NUBPL: variants seen among roughly 807,000 people sequenced by gnomAD.
NUBPL encodes iron-sulfur cluster transfer protein NUBPL.
In NUBPL, 31 loss-of-function variants were observed where a neutral mutation model predicts 45.7. The ratio of observed to expected loss-of-function variants is 0.68; its 90% CI spans 0.51 to 0.92. NUBPL has a LOEUF of 0.92. Ranked by LOEUF, NUBPL falls within the 40% of genes least tolerant of loss-of-function variation. The pLI is 0.00. For synonymous variants in NUBPL, 144 were observed against 140.9 expected, an observed-to-expected ratio of 1.02 and a Z score of -0.15; for missense variants, 401 against 398.7, an observed-to-expected ratio of 1.01 and a Z score of -0.05.
intron 6 of NUBPL, among the ~76,000 whole-genome samples, chr14:31,678,040 C>T (rs187605968): frequency 9.8e-5 from 15 of 152,314 alleles, no homozygotes; most frequent in African/African-American, 3.4e-4. Context: ...CCATTCTTTC[C>T]TCTTCTTTCC....
chr14:31,590,531 A>G (rs1331533139), intron 3 of NUBPL, among the ~76,000 whole-genome samples: 2 of 152,110 alleles, frequency 1.3e-5, no homozygotes, highest in African/African-American at 4.8e-5. Flanking sequence ...CTGATCTTAT[A>G]ATTGCTTTTC....
chr14:31,817,155 A>G (rs2039934068), intron 7 of NUBPL, among the ~76,000 whole-genome samples: 1 of 152,008 alleles, frequency 6.6e-6, no homozygotes, highest in African/African-American at 2.4e-5. Flanking sequence ...GGAATGAACA[A>G]AGCCTTCCAG....
intron 6 of NUBPL, among the ~76,000 whole-genome samples, chr14:31,694,879 T>C (rs1477538403): frequency 1.3e-5 from 2 of 152,252 alleles, no homozygotes. Context: ...GGTTACACAG[T>C]TGTATAAGAC....
chr14:31,734,483 A>C (rs2038121544), intron 6 of NUBPL, among the ~76,000 whole-genome samples: 1 of 152,210 alleles, frequency 6.6e-6, no homozygotes, highest in Non-Finnish European at 1.5e-5. Context: ...TCAAAAACCA[A>C]ATTTCAAAAT....
intron 3 of NUBPL, among the ~76,000 whole-genome samples, chr14:31,569,587 T>C (rs948713819): frequency 1.8e-4 from 28 of 152,168 alleles, no homozygotes; most frequent in African/African-American, 5.8e-4. Flanking sequence ...AGGATGTGGA[T>C]GGGTAGTATT....
chr14:31,600,731 T>C (rs1303499065), intron 4 of NUBPL, among the ~76,000 whole-genome samples: 1 of 151,882 alleles, frequency 6.6e-6, no homozygotes, highest in Admixed American at 6.6e-5. Context: ...GTAGTTTCTT[T>C]TGCTGTGCAG....
At chr14:31,636,699 G>A (rs1027067377) in intron 4 of NUBPL, among the ~76,000 whole-genome samples, 10 of 152,254 alleles carry the variant, frequency 6.6e-5, no homozygotes, top group Non-Finnish European at 7.4e-5. Context: ...GGTAGAATTC[G>A]GCTGTGAATC....
At chr14:31,695,041 G>T (rs1261319898) in intron 6 of NUBPL, among the ~76,000 whole-genome samples, 3 of 152,180 alleles carry the variant, frequency 2.0e-5, no homozygotes, top group Non-Finnish European at 4.4e-5. Flanking sequence ...ATCAAAGTTG[G>T]AATTTAGAGA....
chr14:31,726,665 GAAT>G (rs1168200507), intron 6 of NUBPL, among the ~76,000 whole-genome samples: 1 of 1,452 alleles, frequency 6.9e-4, no homozygotes, highest in East Asian at 0.5. Flanking sequence ...TTGACTAAAT[GAAT>G]AATGAGTTAA....
chr14:31,826,699 CAG>C lies in NUBPL; in HGVS notation c.681_682del (p.Arg227SerfsTer21). On this transcript the variant is annotated frameshift_variant, in exon 8 of 11. Transcript: ENST00000281081. LOFTEE classifies it high-confidence loss of function. ...DAHKGAEMFR[R>X]VHVPVLGLVQ... is the part of the protein sequence containing the mutation. Reference sequence around the variant, plus strand: ...CACACAAGGGTGCTGAGATGTTTCGCAGAGTCCACGTGCCCGTAAGCGTTTAC... The same window carrying C: ...CACACAAGGGTGCTGAGATGTTTCGCAGTCCACGTGCCCGTAAGCGTTTAC... 1 of 1,614,028 alleles carries C rather than the reference CAG, an allele frequency of 6.2e-7. No homozygotes were observed. Among genetic ancestry groups the C allele is most frequent in the South Asian group, 1.1e-5 (1 of 91,076 alleles).
intron 4 of NUBPL, among the ~76,000 whole-genome samples, chr14:31,623,262 G>C (rs764070631): frequency 6.6e-6 from 1 of 152,210 alleles, no homozygotes; most frequent in African/African-American, 2.4e-5. Flanking sequence ...TATCTTGCAA[G>C]TAGTTAACTT....
intron 7 of NUBPL, among the ~76,000 whole-genome samples, chr14:31,792,973 C>T (rs1405766856): frequency 6.6e-6 from 1 of 152,190 alleles, no homozygotes; most frequent in Non-Finnish European, 1.5e-5. Flanking sequence ...AACAGCCTGT[C>T]AAAATCATGT....
In NUBPL at chr14:31,699,586, A is replaced by T. The variant is rs555694805; in HGVS notation, c.513+26012A>T. Among the ~76,000 whole-genome samples, 9 of 152,184 alleles carry T rather than the reference A, an allele frequency of 5.9e-5. No homozygotes were observed. The South Asian group carries it at 1.7e-3, about 28-fold the overall frequency. On this transcript the variant is annotated intron_variant, in intron 6 of 10. Transcript: ENST00000281081. ...TGTACAACTGAAGTTTTAAAATTTT[A>T]AATTTTTGCTTGAAAGATTGAAAAC... is the stretch of plus-strand genomic sequence containing the variant.
At chr14:31,854,137 A>G (rs965614344) in intron 10 of NUBPL, among the ~76,000 whole-genome samples, 3 of 152,162 alleles carry the variant, frequency 2.0e-5, no homozygotes, top group Non-Finnish European at 4.4e-5. Flanking sequence ...ATAAATTGGG[A>G]CTTCAAATAT....
At chr14:31,839,205 A>G (rs1441602938) in intron 8 of NUBPL, among the ~76,000 whole-genome samples, 1 of 151,922 alleles carries the variant, frequency 6.6e-6, no homozygotes, top group African/African-American at 2.4e-5. Context: ...AAGCTGTGAC[A>G]TACATACATA....
chr14:31,571,065 G>A (rs2033568262), intron 3 of NUBPL, among the ~76,000 whole-genome samples: 2 of 152,196 alleles, frequency 1.3e-5, no homozygotes, highest in African/African-American at 4.8e-5. Context: ...CTATGCTCTA[G>A]CTAATCTGGG....
intron 3 of NUBPL, among the ~76,000 whole-genome samples, chr14:31,578,761 T>C (rs1238694130): frequency 2.0e-5 from 3 of 152,236 alleles, no homozygotes; most frequent in Non-Finnish European, 2.9e-5. Flanking sequence ...TTTGTACTTC[T>C]GTAAAAATCT....
In NUBPL at chr14:31,770,193, T is replaced by TAG. The variant is rs905333423; in HGVS notation, c.514-17578_514-17577dup. Among the ~76,000 whole-genome samples the TAG allele has an allele frequency of 8.5e-4, 129 of 152,278 alleles. 1 individual carries two copies. Among genetic ancestry groups the TAG allele is most frequent in the African/African-American group, 2.8e-3 (115 of 41,566 alleles). On this transcript the variant is annotated intron_variant, in intron 6 of 10. Coordinates refer to ENST00000281081, the MANE Select transcript of NUBPL (RefSeq NM_025152.3). ...ATGTATCTATGCAGGGGAATTGCAATAGAGAGAGAGTTTAATACACGTAGA... is the reference window on the plus strand; with the variant it reads ...ATGTATCTATGCAGGGGAATTGCAATAGAGAGAGAGAGTTTAATACACGTAGA...
intron 6 of NUBPL, among the ~76,000 whole-genome samples, chr14:31,756,771 C>CT (rs2038675011): frequency 6.6e-6 from 1 of 152,024 alleles, no homozygotes; most frequent in African/African-American, 2.4e-5. Context: ...GCATCCCTGT[C>CT]TTGTGTCCGT....
Sources: gnomAD v4.1 joint callset for allele counts (sites outside exome capture counted in the v4.1 genomes callset) on GRCh38, gnomAD v4.1.1 for gene constraint, MANE v1.5 for transcripts, NCBI Gene and HGNC (gene_info 2026-07-23, HGNC 2026-07-21) for gene names.